Variants in PIN4 observed in about 807,000 individuals in gnomAD.
The protein encoded by PIN4 is peptidyl-prolyl cis-trans isomerase NIMA-interacting 4.
Under a neutral mutation model 8.3 loss-of-function variants are expected in PIN4, and 3 were observed. The observed-to-expected ratio is 0.36, with a 90% confidence interval of 0.16 to 0.93. The LOEUF (loss-of-function observed/expected upper bound fraction) is 0.93, where lower values mean the gene tolerates loss of function less well. Ranked by LOEUF, PIN4 falls within the 40% of genes least tolerant of loss-of-function variation. PIN4 has a pLI of 0.44. For synonymous variants in PIN4, 18 were observed against 32.5 expected (o/e 0.55, Z 1.52); for missense variants, 75 against 100.6 (o/e 0.75, Z 1.09).
In PIN4 at chrX:72,260,255, C is replaced by T. The variant is rs192904694; in HGVS notation, c.313-2452C>T. ...AGAGTGCTCAAATTGGCAGTGGTGCCGCCCGGTGTCCTTCCGAGGGGAGGC... is the reference window on the plus strand; with the variant it reads ...AGAGTGCTCAAATTGGCAGTGGTGCTGCCCGGTGTCCTTCCGAGGGGAGGC... On this transcript the variant is annotated intron_variant, in intron 3 of 3. Coordinates refer to the PIN4 transcript ENST00000423432. 3.5e-3 allele frequency among the ~76,000 whole-genome samples: 397 copies of T among 112,219 alleles called. 2 individuals carry two copies. The highest frequency in any genetic ancestry group is 0.011 in the African/African-American group (353 of 30,922).
At chrX:72,196,640 TC>T (rs2042767522) in intron 2 of PIN4, 144 bp from the exon 3 acceptor site, 1 of 445,990 alleles carries the variant, frequency 2.2e-6, no homozygotes, top group African/African-American at 2.5e-5. Flanking sequence ...GTGGTTGTTG[TC>T]CTGGGCAAAC....
At chrX:72,197,234 T>C (rs377033850) in intron 3 of PIN4, 134 bp from the exon 4 acceptor site, 2 of 527,590 alleles carry the variant, frequency 3.8e-6, no homozygotes. Flanking sequence ...TTGTCCTTAT[T>C]GAGCCTATTC....
At chrX:72,236,297 C>CT (rs1402595232) in intron 3 of PIN4, among the ~76,000 whole-genome samples, 4 of 109,478 alleles carry the variant, frequency 3.7e-5, no homozygotes, top group East Asian at 2.9e-4. Context: ...CTACAAAAAT[C>CT]TTTTTTTTCT....
At chrX:72,258,468 C>T (rs2043122818) in intron 3 of PIN4, among the ~76,000 whole-genome samples, 1 of 111,948 alleles carries the variant, frequency 8.9e-6, no homozygotes, top group Non-Finnish European at 1.9e-5. Flanking sequence ...CTCCAAAAGG[C>T]CTCGTGAACC....
intron 3 of PIN4, chrX:72,205,187 C>A: frequency 8.3e-7 from 1 of 1,211,545 alleles, no homozygotes; most frequent in Non-Finnish European, 1.1e-6. Context: ...GTAGCCTCTG[C>A]CGCCTTATCC....
At chrX:72,234,906 T>C (rs1052064144) in intron 3 of PIN4, among the ~76,000 whole-genome samples, 7 of 111,262 alleles carry the variant, frequency 6.3e-5, no homozygotes, top group African/African-American at 2.3e-4. Context: ...GTACAATGGA[T>C]GAGTGAATAC....
intron 3 of PIN4, chrX:72,208,720 G>T (rs1314963143): frequency 9.0e-7 from 1 of 1,113,770 alleles, no homozygotes; most frequent in East Asian, 3.0e-5. Context: ...AAAAGAAGAA[G>T]AGGAGAAAGG....
intron 3 of PIN4, among the ~76,000 whole-genome samples, chrX:72,249,116 T>A: frequency 9.0e-6 from 1 of 111,506 alleles, no homozygotes; most frequent in Non-Finnish European, 1.9e-5. Context: ...TACAAATCAA[T>A]AATAAAATGA....
intron 3 of PIN4, among the ~76,000 whole-genome samples, chrX:72,214,155 G>A (rs191040053): frequency 8.9e-6 from 1 of 112,156 alleles, no homozygotes; most frequent in East Asian, 2.8e-4. Context: ...GAGTAGGCTA[G>A]GAGGATTCCT....
chrX:72,251,096 GC>G (rs1403384189), intron 3 of PIN4, among the ~76,000 whole-genome samples: 70 of 104,031 alleles, frequency 6.7e-4, no homozygotes, highest in Non-Finnish European at 1.2e-3. Flanking sequence ...GGTGGCTCAC[GC>G]CTGTAATCCC....
chrX:72,200,166 A>G (rs1395719962), downstream of PIN4, among the ~76,000 whole-genome samples: 1 of 111,128 alleles, frequency 9.0e-6, no homozygotes, highest in East Asian at 2.8e-4. Context: ...TGTCTCAAAA[A>G]AAAAAAAAAA....
intron 3 of PIN4, among the ~76,000 whole-genome samples, chrX:72,247,005 ATG>A (rs2043069547): frequency 8.9e-6 from 1 of 111,769 alleles, no homozygotes; most frequent in Non-Finnish European, 1.9e-5. Flanking sequence ...TGTTGGATGG[ATG>A]GATGGATGGA....
intron 3 of PIN4, among the ~76,000 whole-genome samples, chrX:72,260,568 G>T (rs1428103310): frequency 8.9e-6 from 1 of 111,821 alleles, no homozygotes; most frequent in Non-Finnish European, 1.9e-5. Flanking sequence ...CTCCTCTGAG[G>T]TTGAGAACCA....
At chrX:72,251,224 G>A (rs1407172364) in intron 3 of PIN4, among the ~76,000 whole-genome samples, 1 of 106,608 alleles carries the variant, frequency 9.4e-6, no homozygotes, top group East Asian at 3.1e-4. Context: ...TTACCCGGGC[G>A]TGGTGGCGGG....
chrX:72,182,036 G>A, intron 1 of PIN4: 1 of 439,614 alleles, frequency 2.3e-6, no homozygotes, highest in Non-Finnish European at 4.1e-6. Flanking sequence ...ATAGTTCCTC[G>A]GAGGCGATGA....
chrX:72,210,587 G>A (rs1035917193), intron 3 of PIN4, among the ~76,000 whole-genome samples: 1 of 111,490 alleles, frequency 9.0e-6, no homozygotes, highest in African/African-American at 3.3e-5. Flanking sequence ...TGTAACTCTA[G>A]CCAGGCGTCT....
rs760786122 is a variant in PIN4, at chrX:72,205,344, A to G, written c.312+8440A>G. The stretch of plus-strand genomic sequence containing the variant: ...TTTCTCCGGAAGGATCCTCTTCTGT[A>G]TACTTGGAGGCTTCGCCACTGCTTT... On this transcript the variant is annotated intron_variant, in intron 3 of 3. Transcript: ENST00000423432. 8 of 1,210,513 alleles carry G rather than the reference A, an allele frequency of 6.6e-6. No individual in the cohort carries two copies. In the African/African-American group the frequency reaches 1.4e-4, roughly 21 times the overall value.
At chrX:72,219,080 A>AC (rs2042904255) in intron 3 of PIN4, among the ~76,000 whole-genome samples, 1 of 110,783 alleles carries the variant, frequency 9.0e-6, no homozygotes, top group Non-Finnish European at 1.9e-5. Context: ...ACGCAGTGAA[A>AC]CCCCGTCCCT....
intron 3 of PIN4, among the ~76,000 whole-genome samples, chrX:72,214,621 C>T (rs183089457): frequency 3.0e-5 from 3 of 101,693 alleles, no homozygotes; most frequent in Non-Finnish European, 5.9e-5. Context: ...TGCAGTGAGC[C>T]GAGATCATGC....
Sources: gnomAD v4.1 joint callset for allele counts (sites outside exome capture counted in the v4.1 genomes callset) on GRCh38, gnomAD v4.1.1 for gene constraint, MANE v1.5 for transcripts, NCBI Gene and HGNC (gene_info 2026-07-23, HGNC 2026-07-21) for gene names.